Variants in RALGDS observed in about 807,000 individuals in gnomAD.
The protein encoded by RALGDS is ral guanine nucleotide dissociation stimulator, also known as ral guanine nucleotide exchange factor.
RALGDS carries 44 observed loss-of-function variants against 99.8 expected under a neutral mutation model. That is an observed-to-expected ratio of 0.44 (90% CI 0.35 to 0.57). The LOEUF (loss-of-function observed/expected upper bound fraction) is 0.57. Among genes scored for constraint, RALGDS ranks in the 20% least tolerant of loss-of-function variants. The pLI is 0.01. For missense variants in RALGDS, 1,022 were observed against 1,203.1 expected (o/e 0.85, Z 2.23); for synonymous variants, 529 against 505.0 (o/e 1.05, Z -0.64).
chr9:133,102,124 G>A lies in RALGDS; in HGVS notation c.2025C>T (p.Ser675=), dbSNP rs35267131. The A allele has an allele frequency of 0.015, 22,777 of 1,569,866 alleles. 187 individuals carry two copies. Among genetic ancestry groups the A allele is most frequent in the Middle Eastern group, 0.025 (151 of 6,002 alleles). ...AGCTGCCACTGGTACTGAGCTCAGT[G>A]CTGGGGGCCTGGCGGCTGGGTGAAG... is the stretch of plus-strand genomic sequence containing the variant. ...VKRWSDRQAP[S]TELSTSGSSH... The change falls in exon 15 of 18, where the codon AGC becomes AGT. Residue 675 remains serine (S), a synonymous_variant. Coordinates refer to ENST00000372050, the MANE Select transcript of RALGDS (RefSeq NM_006266.4).
chr9:133,138,282 G>C (rs1276943664), intron 1 of RALGDS, among the ~76,000 whole-genome samples: 2 of 152,180 alleles, frequency 1.3e-5, no homozygotes, highest in Non-Finnish European at 2.9e-5. Context: ...CCCTGGGTCT[G>C]AGGGACACTG....
intron 1 of RALGDS, among the ~76,000 whole-genome samples, chr9:133,136,664 T>G (rs1385780246): frequency 1.3e-5 from 2 of 152,080 alleles, no homozygotes; most frequent in African/African-American, 4.8e-5. Flanking sequence ...CCCCAGCTAC[T>G]CGGGAGGCTG....
At chr9:133,116,106 A>G (rs1053385430) in intron 1 of RALGDS, among the ~76,000 whole-genome samples, 5 of 151,008 alleles carry the variant, frequency 3.3e-5, no homozygotes, top group African/African-American at 9.8e-5. Context: ...CATGAGCCCC[A>G]TCAAGGGAGG....
chr9:133,108,295 G>A lies in RALGDS; in HGVS notation c.890C>T (p.Pro297Leu), dbSNP rs1002694704. The A allele has an allele frequency of 9.0e-6, 14 of 1,556,430 alleles. No homozygotes were observed. Among genetic ancestry groups the A allele is most frequent in the Non-Finnish European group, 1.2e-5 (14 of 1,151,096 alleles). Residue 297 changes from proline (P) to leucine (L), a missense_variant, in exon 6 of 18, where the codon CCA becomes CTA. Physicochemically the swap from Pro to Leu is moderately conservative, Grantham distance 98. Around this residue, in one of 3 missense-constraint regions of RALGDS, gnomAD observed 825 missense variants for 994.5 expected, o/e 0.83. Transcript: ENST00000372050. ...PAPAPEPEPA[P>L]TPAPGSELEV... ...TAGCTCTGAACCTGGAGCTGGTGTT[G>A]GAGCTGGCTCTGGCTCCGGGGCTGG... is the stretch of plus-strand genomic sequence containing the variant.
At position 133,107,071 on chromosome 9, in the gene RALGDS, C is replaced by T. The variant is rs772363123; in HGVS notation, c.1413+14G>A. The T allele has an allele frequency of 5.6e-6, 9 of 1,612,948 alleles. No homozygotes were observed. The highest frequency in any genetic ancestry group is 7.6e-6 in the Non-Finnish European group (9 of 1,179,926). On this transcript the variant is annotated intron_variant, in intron 7 of 17. Transcript: ENST00000372050. ...GAAGCCAAAGTGGGGGCCCAGGCCC[C>T]TCCTCTGGCATACCCTGGCCACCTC...
chr9:133,102,169 G>A (rs1387070685), intron 14 of RALGDS, 30 bp from the exon 15 acceptor site: 4 of 1,548,734 alleles, frequency 2.6e-6, no homozygotes, highest in African/African-American at 1.4e-5. Context: ...AGTTAAGGGG[G>A]CTCCCCAAGG....
At chr9:133,105,825 G>GGCCCCCCCCC in intron 9 of RALGDS, 107 bp downstream of exon 9, 1 of 87,590 alleles carries the variant, frequency 1.1e-5, no homozygotes. Context: ...CGCCGCCCCA[G>GGCCCCCCCCC]CCCCCGCCCC....
At position 133,120,431 on chromosome 9, in the gene RALGDS, C is replaced by CCG; in HGVS notation, c.183+540_183+541insCG. ...TGCTGCTCCACCCCATCCCCCGACC[C>CCG]CCCCCCCACCCCGCTCTGAGCAGCC... On this transcript the variant is annotated intron_variant, in intron 1 of 17. Coordinates refer to ENST00000372050, the MANE Select transcript of RALGDS (RefSeq NM_006266.4). 3.0e-5 allele frequency among the ~76,000 whole-genome samples: 4 copies of CCG among 135,288 alleles called. No homozygotes were observed. In the Middle Eastern group the frequency reaches 0.015, roughly 505 times the overall value. 88.8% of individuals were successfully genotyped at this position (135,288 alleles called of 152,430 possible).
upstream of RALGDS, among the ~76,000 whole-genome samples, chr9:133,121,969 C>A (rs1831967014): frequency 6.6e-6 from 1 of 152,196 alleles, no homozygotes; most frequent in Admixed American, 6.5e-5. Flanking sequence ...TATCCCCTTA[C>A]AGACACCCTC....
chr9:133,106,630 C>A lies in RALGDS; in HGVS notation c.1517+15G>T, dbSNP rs762576428. 6 of 1,583,472 alleles carry A rather than the reference C, an allele frequency of 3.8e-6. No individual in the cohort carries two copies. The South Asian group carries it at 6.8e-5, about 18-fold the overall frequency. On this transcript the variant is annotated intron_variant, in intron 8 of 17. Transcript: ENST00000372050. ...GTCCCTGGTGCACCAGGAGCTCCTA[C>A]AGAGGCATGCCCACCTGGAAACGTC... is the stretch of plus-strand genomic sequence containing the variant.
chr9:133,106,685 A>G lies in RALGDS; in HGVS notation c.1477T>C (p.Ser493Pro), dbSNP rs780954283. ...CACGTCTTCTTCAGACGGTGGATGGAGTTGCTCTGCAGGGCAGAGAGGATG... is the reference window on the plus strand; with the variant it reads ...CACGTCTTCTTCAGACGGTGGATGGGGTTGCTCTGCAGGGCAGAGAGGATG... ...YAILSALQSN[S>P]IHRLKKTWED... The change falls in exon 8 of 18, where the codon TCC (serine) becomes CCC (proline). Residue 493 changes from serine (S) to proline (P), a missense_variant. By Grantham distance (74) the Ser-to-Pro change is moderately conservative. This residue lies in a region of RALGDS where 825 missense variants were observed against 994.5 expected (regional missense o/e 0.83). Transcript: ENST00000372050. The G allele has an allele frequency of 1.2e-6, 2 of 1,612,604 alleles. No individual in the cohort carries two copies. The highest frequency in any genetic ancestry group is 8.5e-7 in the Non-Finnish European group (1 of 1,179,552).
chr9:133,129,099 C>T, intron 1 of RALGDS: 3 of 1,540,232 alleles, frequency 1.9e-6, no homozygotes, highest in Non-Finnish European at 2.6e-6. Flanking sequence ...ACCCACCCAG[C>T]CCCTCCCCGG....
intron 1 of RALGDS, among the ~76,000 whole-genome samples, chr9:133,120,441 C>A (rs1831871706): frequency 1.4e-5 from 2 of 144,250 alleles, no homozygotes; most frequent in Non-Finnish European, 3.1e-5. Flanking sequence ...CCCCCCCCAC[C>A]CCGCTCTGAG....
chr9:133,121,588 G>C (rs1001081588), upstream of RALGDS, among the ~76,000 whole-genome samples: 6 of 141,672 alleles, frequency 4.2e-5, no homozygotes, highest in South Asian at 1.3e-3. Context: ...ATGTGTACGT[G>C]CTGATCATGT....
At chr9:133,126,115 G>A (rs747812206), upstream of RALGDS, among the ~76,000 whole-genome samples, 11 of 152,130 alleles carry the variant, frequency 7.2e-5, no homozygotes, top group Non-Finnish European at 1.2e-4. Flanking sequence ...AGATCACTAA[G>A]CACTGCCCGG....
intron 1 of RALGDS, among the ~76,000 whole-genome samples, chr9:133,146,227 G>A (rs1322093166): frequency 4.6e-5 from 7 of 152,060 alleles, no homozygotes; most frequent in African/African-American, 1.4e-4. Context: ...TGGCTCCGTC[G>A]CCCAGGCTGG....
chr9:133,106,665 C>T lies in RALGDS; in HGVS notation c.1497G>A (p.Lys499=), dbSNP rs1831077559. ...CCCACCTGGAAACGTCTTCCCACGT[C>T]TTCTTCAGACGGTGGATGGAGTTGC... ...LQSNSIHRLK[K]TWEDVSRDSF... Residue 499 remains lysine, a synonymous_variant, in exon 8 of 18, where the codon AAG becomes AAA. Coordinates refer to ENST00000372050, the MANE Select transcript of RALGDS (RefSeq NM_006266.4). 3.1e-6 allele frequency: 5 copies of T among 1,611,068 alleles called. No homozygotes were observed. In the South Asian group the frequency reaches 3.3e-5, roughly 11 times the overall value.
chr9:133,117,765 T>C (rs1831684620), intron 1 of RALGDS, among the ~76,000 whole-genome samples: 1 of 152,230 alleles, frequency 6.6e-6, no homozygotes, highest in South Asian at 2.1e-4. Context: ...CACCACGCCA[T>C]GGGAGCCATC....
At chr9:133,120,821 A>T (rs1288652549) in intron 1 of RALGDS, 151 bp downstream of exon 1, 2 of 888,362 alleles carry the variant, frequency 2.3e-6, no homozygotes, top group African/African-American at 1.8e-5. Flanking sequence ...TTTCTGCAGA[A>T]GGCCCCGACC....
Sources: gnomAD v4.1 joint callset for allele counts (sites outside exome capture counted in the v4.1 genomes callset) on GRCh38, gnomAD v4.1.1 for gene constraint, gnomAD v4.1.1 regional missense constraint, MANE v1.5 for transcripts, NCBI Gene and HGNC (gene_info 2026-07-23, HGNC 2026-07-21) for gene names.